BMP2K: variants seen among roughly 807,000 people sequenced by gnomAD.
The protein encoded by BMP2K is BMP-2-inducible protein kinase.
A neutral mutation model predicts 116.0 loss-of-function variants in BMP2K; 74 were observed. That is an observed-to-expected ratio of 0.64 (90% CI 0.53 to 0.77). The LOEUF (loss-of-function observed/expected upper bound fraction) is 0.77, where lower values mean the gene tolerates loss of function less well. Among genes scored for constraint, BMP2K ranks in the 30% least tolerant of loss-of-function variants. The pLI, the probability that BMP2K is intolerant of heterozygous loss-of-function variation, is 0.00. For missense variants in BMP2K, 1,365 were observed against 1,403.6 expected (o/e 0.97, Z 0.44); for synonymous variants, 486 against 502.5 (o/e 0.97, Z 0.44).
At chr4:78,877,675 A>C (rs1732695251) in intron 13 of BMP2K, among the ~76,000 whole-genome samples, 1 of 152,218 alleles carries the variant, frequency 6.6e-6, no homozygotes, top group Non-Finnish European at 1.5e-5. Context: ...ATAACTCAAA[A>C]ATATGGTACA....
chr4:78,906,913 G>A (rs1235639241), intron 15 of BMP2K, among the ~76,000 whole-genome samples: 1 of 152,082 alleles, frequency 6.6e-6, no homozygotes, highest in African/African-American at 2.4e-5. Flanking sequence ...TGGTGACCTT[G>A]TCAGGATTAT....
intron 1 of BMP2K, among the ~76,000 whole-genome samples, chr4:78,824,232 A>G (rs1205588712): frequency 6.6e-6 from 1 of 152,212 alleles, no homozygotes; most frequent in Non-Finnish European, 1.5e-5. Context: ...GAGAATCTGG[A>G]AAGAGTATGT....
chr4:78,799,261 T>C (rs1728451645), intron 1 of BMP2K, among the ~76,000 whole-genome samples: 1 of 134,792 alleles, frequency 7.4e-6, no homozygotes, highest in Admixed American at 7.3e-5. Flanking sequence ...TGATTGTCCG[T>C]TTTTTTTTTG....
At position 78,776,438 on chromosome 4, in the gene BMP2K, C is replaced by T; in HGVS notation, c.-106C>T. On this transcript the variant is annotated 5_prime_UTR_variant, in exon 1 of 16. Transcript: ENST00000502613. ...GTGAGGCTTGGCGGGCCGCAGCACGCTCGGACGGGCCAGGGGCGGCGACCC... is the reference window on the plus strand; with the variant it reads ...GTGAGGCTTGGCGGGCCGCAGCACGTTCGGACGGGCCAGGGGCGGCGACCC... The T allele has an allele frequency of 9.5e-7, 1 of 1,052,432 alleles. No homozygotes were observed. The highest frequency in any genetic ancestry group is 1.2e-6 in the Non-Finnish European group (1 of 865,014). 65.2% of individuals were successfully genotyped at this position (1,052,432 alleles called of 1,614,324 possible). A position where few individuals can be genotyped will look rare whatever the true frequency, so the allele number is the denominator to read the frequency against.
At chr4:78,854,671 C>A (rs74389148) in intron 7 of BMP2K, among the ~76,000 whole-genome samples, 3,932 of 152,158 alleles carry the variant, frequency 0.026, 188 homozygotes, top group African/African-American at 0.09. Flanking sequence ...ACGTGTGAGC[C>A]ACTGTGACTG....
At position 78,869,000 on chromosome 4, in the gene BMP2K, C is replaced by T. The variant is rs188255261; in HGVS notation, c.1232-1783C>T. 2.4e-3 allele frequency among the ~76,000 whole-genome samples: 366 copies of T among 152,296 alleles called. 4 individuals are homozygous for T. The Middle Eastern group carries it at 0.051, about 21-fold the overall frequency. Reference sequence around the variant, plus strand: ...GGATGGTGGCCCTCTTCTCACAGCTCCACTAGGCAGTGCCCCAGTAGAGAC... The same window carrying T: ...GGATGGTGGCCCTCTTCTCACAGCTTCACTAGGCAGTGCCCCAGTAGAGAC... On this transcript the variant is annotated intron_variant, in intron 10 of 15. Coordinates refer to ENST00000502613, the MANE Select transcript of BMP2K (RefSeq NM_198892.2).
intron 1 of BMP2K, among the ~76,000 whole-genome samples, chr4:78,786,892 G>A (rs1348427687): frequency 1.3e-5 from 2 of 152,016 alleles, no homozygotes; most frequent in African/African-American, 2.4e-5. Flanking sequence ...GGCTTATCTT[G>A]TATTCATTCT....
intron 14 of BMP2K, 91 bp from the exon 15 acceptor site, chr4:78,887,083 T>C (rs969060974): frequency 1.1e-6 from 1 of 913,154 alleles, no homozygotes; most frequent in Admixed American, 2.6e-5. Context: ...TGCTTTAATT[T>C]TCACTTTTAT....
At chr4:78,891,925 G>C (rs963215061) in intron 15 of BMP2K, among the ~76,000 whole-genome samples, 3 of 152,154 alleles carry the variant, frequency 2.0e-5, no homozygotes, top group Non-Finnish European at 4.4e-5. Context: ...GATGAGACTA[G>C]TGGGAAATGC....
At chr4:78,862,754 G>T (rs923804869) in intron 9 of BMP2K, among the ~76,000 whole-genome samples, 1 of 151,990 alleles carries the variant, frequency 6.6e-6, no homozygotes. Context: ...TTTAAAAAAT[G>T]GTGTTACTTT....
chr4:78,866,713 C>T (rs1187134341), intron 10 of BMP2K, among the ~76,000 whole-genome samples: 1 of 152,096 alleles, frequency 6.6e-6, no homozygotes, highest in Non-Finnish European at 1.5e-5. Context: ...TGCAATAGCA[C>T]GATCTCGGCT....
In BMP2K at chr4:78,861,454, C is replaced by T. The variant is rs1433621810; in HGVS notation, c.1053C>T (p.Ser351=). The T allele has an allele frequency of 1.4e-5, 23 of 1,606,646 alleles. No individual in the cohort carries two copies. Among genetic ancestry groups the T allele is most frequent in the Non-Finnish European group, 2.0e-5 (23 of 1,175,480 alleles). Residue 351 remains serine (S), a synonymous_variant, in exon 9 of 16, where the codon AGC becomes AGT. Transcript: ENST00000502613. ...MTASEAAARK[S]QIKARITDTI... ...CTAGTGAAGCAGCTGCTAGGAAAAGCCAAATAAAAGCCAGGTAGGCAAAAC... is the reference window on the plus strand; with the variant it reads ...CTAGTGAAGCAGCTGCTAGGAAAAGTCAAATAAAAGCCAGGTAGGCAAAAC...
At chr4:78,857,819 T>C (rs1255710918) in intron 7 of BMP2K, among the ~76,000 whole-genome samples, 1 of 152,034 alleles carries the variant, frequency 6.6e-6, no homozygotes, top group Non-Finnish European at 1.5e-5. Flanking sequence ...TAGCACCTGA[T>C]TTGTTTTTGT....
At chr4:78,847,141 TATATA>T in intron 5 of BMP2K, 42 bp from the exon 6 acceptor site, 1 of 648,436 alleles carries the variant, frequency 1.5e-6, no homozygotes, top group Non-Finnish European at 2.1e-6. Flanking sequence ...GTCTTTTTTT[TATATA>T]TATATATATA....
In BMP2K at chr4:78,827,760, AAAAAC is replaced by A. The variant is rs536489013; in HGVS notation, c.297+1630_297+1634del. ...CACTGTTCAGTTCTGCCATTACTGT[AAAAAC>A]AAAACAAAACAAAACAAAACAAAAA... On this transcript the variant is annotated intron_variant, in intron 2 of 15. Coordinates refer to ENST00000502613, the MANE Select transcript of BMP2K (RefSeq NM_198892.2). Among the ~76,000 whole-genome samples the A allele has an allele frequency of 2.7e-3, 405 of 151,548 alleles. 2 individuals are homozygous for A. Among genetic ancestry groups the A allele is most frequent in the Non-Finnish European group, 4.5e-3 (307 of 67,958 alleles).
intron 13 of BMP2K, 65 bp from the exon 14 acceptor site, chr4:78,878,669 G>A (rs1577952577): frequency 1.5e-6 from 2 of 1,323,844 alleles, no homozygotes; most frequent in Admixed American, 2.5e-5. Context: ...GTAGGGCATT[G>A]TAAATTTTTA....
chr4:78,786,494 T>C (rs571173522), intron 1 of BMP2K, among the ~76,000 whole-genome samples: 1 of 151,700 alleles, frequency 6.6e-6, no homozygotes, highest in Admixed American at 6.6e-5. Flanking sequence ...AGTGCAGTGG[T>C]GTGATCATAG....
intron 15 of BMP2K, among the ~76,000 whole-genome samples, chr4:78,896,364 T>G (rs1370020702): frequency 1.3e-5 from 2 of 152,222 alleles, no homozygotes; most frequent in African/African-American, 2.4e-5. Context: ...AAAAATTATA[T>G]GAGTAAATTC....
At chr4:78,827,584 A>C (rs958229316) in intron 2 of BMP2K, among the ~76,000 whole-genome samples, 1 of 152,112 alleles carries the variant, frequency 6.6e-6, no homozygotes, top group African/African-American at 2.4e-5. Flanking sequence ...TGCTGATTCC[A>C]GTGACCTTCC....
Sources: allele counts gnomAD v4.1 joint callset (sites outside exome capture counted in the v4.1 genomes callset), GRCh38; gene constraint gnomAD v4.1.1; transcripts MANE v1.5; gene names NCBI Gene and HGNC (gene_info 2026-07-23, HGNC 2026-07-21).